Variants in SMURF2 observed in about 807,000 individuals in gnomAD.
The protein encoded by SMURF2 is E3 ubiquitin-protein ligase SMURF2.
SMURF2 carries 48 observed loss-of-function variants against 109.6 expected under a neutral mutation model. The observed-to-expected ratio is 0.44, with a 90% CI of 0.35 to 0.56. The LOEUF (loss-of-function observed/expected upper bound fraction) is 0.56. Among genes scored for constraint, SMURF2 ranks in the 20% least tolerant of loss-of-function variants. The pLI is 0.01. For missense variants in SMURF2, 575 were observed against 909.0 expected, an observed-to-expected ratio of 0.63 and a Z score of 4.72; for synonymous variants, 288 against 317.1, an observed-to-expected ratio of 0.91 and a Z score of 0.97.
intron 3 of SMURF2, chr17:64,593,910 C>T (rs2144656921): frequency 6.2e-6 from 1 of 162,300 alleles, no homozygotes; most frequent in East Asian, 1.7e-4. Flanking sequence ...TTATCACAGT[C>T]ACATTTTAAA....
rs1486504945 is a variant in SMURF2, at chr17:64,584,430, C to T, written c.486-886G>A. On this transcript the variant is annotated intron_variant, in intron 6 of 18. Coordinates refer to ENST00000262435, the MANE Select transcript of SMURF2 (RefSeq NM_022739.4). The stretch of plus-strand genomic sequence containing the variant: ...CTGGAGTGCAGTGGCGCGATCTCAG[C>T]TCACTGCAACCTACGCCTCCCGGGT... Among the ~76,000 whole-genome samples, 3 of 146,012 alleles carry T rather than the reference C, an allele frequency of 2.1e-5. No individual in the cohort carries two copies. In the East Asian group the frequency reaches 6.0e-4, roughly 29 times the overall value.
intron 1 of SMURF2, among the ~76,000 whole-genome samples, chr17:64,616,777 A>C (rs1169731938): frequency 6.6e-6 from 1 of 151,824 alleles, no homozygotes; most frequent in Non-Finnish European, 1.5e-5. Context: ...CTTTTAAAGA[A>C]TCTTACTCTA....
chr17:64,557,553 T>C, intron 13 of SMURF2, 55 bp downstream of exon 13: 1 of 1,146,554 alleles, frequency 8.7e-7, no homozygotes, highest in Non-Finnish European at 1.3e-6. Flanking sequence ...TACATTAACA[T>C]GTAAACATGA....
At chr17:64,571,115 T>C (rs558069857) in intron 10 of SMURF2, among the ~76,000 whole-genome samples, 1 of 152,286 alleles carries the variant, frequency 6.6e-6, no homozygotes, top group South Asian at 2.1e-4. Flanking sequence ...GAACAATGCT[T>C]GTCACACAGT....
intron 1 of SMURF2, among the ~76,000 whole-genome samples, chr17:64,652,222 T>C (rs1471796371): frequency 1.3e-5 from 2 of 152,216 alleles, no homozygotes; most frequent in Non-Finnish European, 2.9e-5. Context: ...ATTTCTTATA[T>C]CTGCATTTAT....
At chr17:64,626,489 G>A (rs782627161) in intron 1 of SMURF2, among the ~76,000 whole-genome samples, 46 of 152,044 alleles carry the variant, frequency 3.0e-4, no homozygotes, top group Admixed American at 2.2e-3. Context: ...TGGGCCAGGC[G>A]CAGTGCCTCA....
chr17:64,640,137 TC>T (rs1187731683), intron 1 of SMURF2, among the ~76,000 whole-genome samples: 1 of 152,184 alleles, frequency 6.6e-6, no homozygotes, highest in Non-Finnish European at 1.5e-5. Flanking sequence ...CTAAAAGTAT[TC>T]TAAAATCAAA....
intron 1 of SMURF2, among the ~76,000 whole-genome samples, chr17:64,659,142 A>T (rs556501505): frequency 4.6e-5 from 7 of 152,124 alleles, no homozygotes; most frequent in South Asian, 4.1e-4. Flanking sequence ...CTTCAGAGAG[A>T]GTGTGTATGA....
rs139059668 is a variant in SMURF2, at chr17:64,593,482, G to A, written c.292C>T (p.Arg98Cys). ...KQGAGFLGCV[R>C]LLSNAINRLK... is the part of the protein sequence containing the mutation. ...CGGTTGATGGCATTGGAAAGAAGAC[G>A]AACACAACCGAGAAATCCAGCACCT... Residue 98 changes from arginine (R) to cysteine (C), a missense_variant, in exon 4 of 19, where the codon CGT becomes TGT. Transcript: ENST00000262435. 5.0e-6 allele frequency: 8 copies of A among 1,609,492 alleles called. No individual in the cohort carries two copies. The highest frequency in any genetic ancestry group is 2.2e-5 in the South Asian group (2 of 90,706).
intron 5 of SMURF2, among the ~76,000 whole-genome samples, chr17:64,588,602 G>T (rs1969702448): frequency 6.6e-6 from 1 of 151,416 alleles, no homozygotes. Flanking sequence ...GGGGAATACA[G>T]TTTTTTTTGT....
At chr17:64,555,324 T>A (rs75916382) in intron 14 of SMURF2, among the ~76,000 whole-genome samples, 1 of 152,220 alleles carries the variant, frequency 6.6e-6, no homozygotes, top group South Asian at 2.1e-4. Context: ...GCCAAGTGCC[T>A]GTGTATCCCT....
intron 9 of SMURF2, among the ~76,000 whole-genome samples, chr17:64,577,129 C>T (rs530147959): frequency 2.0e-5 from 3 of 152,064 alleles, no homozygotes; most frequent in African/African-American, 7.2e-5. Context: ...TATTACGGCA[C>T]TATTCACAAT....
intron 1 of SMURF2, among the ~76,000 whole-genome samples, chr17:64,651,400 T>C (rs74897530): frequency 6.8e-6 from 1 of 147,626 alleles, no homozygotes; most frequent in Non-Finnish European, 1.5e-5. Context: ...GGTGAAACCC[T>C]GTCTCTACTA....
chr17:64,595,250 C>T (rs1386498316), intron 3 of SMURF2, among the ~76,000 whole-genome samples: 1 of 152,162 alleles, frequency 6.6e-6, no homozygotes, highest in Admixed American at 6.5e-5. Context: ...CTCTGAATTA[C>T]TAAAAATTAT....
Position 64,547,577 on chromosome 17 carries a change from T to G in SMURF2, c.2071+23A>C. ...GCCCCGCCCCCACCCGCTGCCCAGC[T>G]TGCCTGCACCTCAGGCTGTTACCTT... On this transcript the variant is annotated intron_variant, in intron 17 of 18. Coordinates refer to ENST00000262435, the MANE Select transcript of SMURF2 (RefSeq NM_022739.4). This position sits in a 1 kb window ranked among gnomAD's most constrained non-coding sequence, Gnocchi z 4.2. 1 of 1,567,450 alleles carries G rather than the reference T, an allele frequency of 6.4e-7. No homozygotes were observed. The highest frequency in any genetic ancestry group is 8.8e-7 in the Non-Finnish European group (1 of 1,140,538).
intron 1 of SMURF2, among the ~76,000 whole-genome samples, chr17:64,650,884 G>C (rs1198813915): frequency 6.7e-6 from 1 of 150,044 alleles, no homozygotes; most frequent in Non-Finnish European, 1.5e-5. Flanking sequence ...TCTGCTTTGT[G>C]ACAGTGCCTA....
chr17:64,570,031 A>C (rs1288409787), intron 10 of SMURF2, among the ~76,000 whole-genome samples: 1 of 152,240 alleles, frequency 6.6e-6, no homozygotes, highest in Non-Finnish European at 1.5e-5. Context: ...TCTACAATAA[A>C]GTAAGATCTG....
At position 64,557,635 on chromosome 17, in the gene SMURF2, C is replaced by T; in HGVS notation, c.1404G>A (p.Gln468=). ...GATTAACTGCAGAATCAGGATTGATCTGCAATGTATAAATATCATCTCTTG... is the reference window on the plus strand; with the variant it reads ...GATTAACTGCAGAATCAGGATTGATTTGCAATGTATAAATATCATCTCTTG... ...QYSRDDIYTL[Q]INPDSAVNPE... The change falls in exon 13 of 19, where the codon CAG becomes CAA. Residue 468 remains glutamine (Q), a synonymous_variant. Transcript: ENST00000262435. The T allele has an allele frequency of 6.2e-7, 1 of 1,608,132 alleles. No individual in the cohort carries two copies. Among genetic ancestry groups the T allele is most frequent in the Non-Finnish European group, 8.5e-7 (1 of 1,175,610 alleles).
Position 64,662,066 on chromosome 17 carries a change from C to G in SMURF2, c.-186G>C, listed in dbSNP as rs1381248623. 39 of 1,098,304 alleles carry G rather than the reference C, an allele frequency of 3.6e-5. No individual in the cohort carries two copies. Among genetic ancestry groups the G allele is most frequent in the Admixed American group, 5.2e-5 (1 of 19,398 alleles). The allele number at this position is 1,098,304 out of a possible 1,614,324, so 68.0% of individuals were successfully genotyped here. Reference sequence around the variant, plus strand: ...GCGGAGGGAGCGGGACGCCGAGCTCCCCCCTCCTCCCACTTCTCCTTCCTC... The same window carrying G: ...GCGGAGGGAGCGGGACGCCGAGCTCGCCCCTCCTCCCACTTCTCCTTCCTC... On this transcript the variant is annotated 5_prime_UTR_variant, in exon 1 of 19. Coordinates refer to ENST00000262435, the MANE Select transcript of SMURF2 (RefSeq NM_022739.4).
Sources: gnomAD v4.1 joint callset for allele counts (sites outside exome capture counted in the v4.1 genomes callset) on GRCh38, gnomAD v4.1.1 for gene constraint, Gnocchi (gnomAD v3.1) non-coding constraint, MANE v1.5 for transcripts, NCBI Gene and HGNC (gene_info 2026-07-23, HGNC 2026-07-21) for gene names.